The following SH3BP5 variants were observed in gnomAD, a reference collection of about 807,000 sequenced individuals.
The protein encoded by SH3BP5 is SH3 domain-binding protein 5.
SH3BP5 carries 22 observed loss-of-function variants against 43.3 expected under a neutral mutation model. The observed-to-expected ratio is 0.51, with a 90% confidence interval of 0.36 to 0.73. The LOEUF (loss-of-function observed/expected upper bound fraction) is 0.73, where lower values mean the gene tolerates loss of function less well. Among genes scored for constraint, SH3BP5 ranks in the 30% least tolerant of loss-of-function variants. SH3BP5 has a pLI of 0.00. For missense variants in SH3BP5, 529 were observed against 586.9 expected (o/e 0.90, Z 1.02); for synonymous variants, 255 against 225.8 (o/e 1.13, Z -1.16).
At chr3:15,258,574 A>T in intron 7 of SH3BP5, 1 of 520,198 alleles carries the variant, frequency 1.9e-6, no homozygotes, top group Non-Finnish European at 3.4e-6. Context: ...GTTCAAATGT[A>T]TACTTTGACT....
At chr3:15,298,972 A>G (rs1051047782) in intron 3 of SH3BP5, among the ~76,000 whole-genome samples, 4 of 150,758 alleles carry the variant, frequency 2.7e-5, no homozygotes, top group African/African-American at 1.0e-4. Context: ...GAGGCAAAAA[A>G]GAAAAAAAAG....
At position 15,258,985 on chromosome 3, in the gene SH3BP5, C is replaced by T. The variant is rs746598895; in HGVS notation, c.735G>A (p.Met245Ile). The T allele has an allele frequency of 6.2e-7, 1 of 1,614,232 alleles. No individual in the cohort carries two copies. The highest frequency in any genetic ancestry group is 1.1e-5 in the South Asian group (1 of 91,086). ...AGATCATCTCCAGGTTCTTCAGGGCCATCTTGTACTCGCCTTTTGCCAGGG... is the reference window on the plus strand; with the variant it reads ...AGATCATCTCCAGGTTCTTCAGGGCTATCTTGTACTCGCCTTTTGCCAGGG... ...KLTLAKGEYK[M>I]ALKNLEMISD... The change falls in exon 7 of 9, where the codon ATG becomes ATA. Residue 245 changes from methionine (M) to isoleucine (I), a missense_variant. Transcript: ENST00000383791.
At chr3:15,336,665 C>T (rs1055171789), upstream of SH3BP5, among the ~76,000 whole-genome samples, 2 of 152,100 alleles carry the variant, frequency 1.3e-5, no homozygotes, top group Non-Finnish European at 2.9e-5. Flanking sequence ...ATATTATAAT[C>T]GCCAGGTTGC....
At chr3:15,317,866 T>TG (rs1698222654) in intron 2 of SH3BP5, among the ~76,000 whole-genome samples, 1 of 152,230 alleles carries the variant, frequency 6.6e-6, no homozygotes, top group African/African-American at 2.4e-5. Context: ...GAGCTATACC[T>TG]GATTAATATC....
rs753714588 is a variant in SH3BP5 at position 15,256,983 on chromosome 3, C to T, written c.1020G>A (p.Ala340=). 3.5e-5 allele frequency: 56 copies of T among 1,614,074 alleles called. No individual in the cohort carries two copies. Among genetic ancestry groups the T allele is most frequent in the African/African-American group, 5.3e-5 (4 of 74,922 alleles). Residue 340 remains alanine (A), a synonymous_variant, in exon 8 of 9, where the codon GCG becomes GCA. Transcript: ENST00000383791. ...GATCCAGGCTGCCAGGCCTCACAAC[C>T]GCAGGGAACTGGTCAGGCATCTCAG... The part of the protein sequence containing the change: ...SPSEMPDQFP[A]VVRPGSLDLP...
rs1178269780 is a variant in SH3BP5, at chr3:15,332,457, G to T, written c.-49C>A. 1.4e-6 allele frequency: 2 copies of T among 1,465,208 alleles called. No individual in the cohort carries two copies. The highest frequency in any genetic ancestry group is 2.8e-5 in the East Asian group (1 of 36,248). The allele number at this position is 1,465,208 out of a possible 1,614,324, so 90.8% of individuals were successfully genotyped here. ...CGCAGTGGGCTCCGGAGCGCCCCGG[G>T]GGTCGCGGCTGCCACAGGCTGGGCT... On this transcript the variant is annotated 5_prime_UTR_variant, in exon 1 of 9. Transcript: ENST00000383791.
intron 3 of SH3BP5, chr3:15,273,004 G>T: frequency 2.9e-6 from 1 of 341,296 alleles, no homozygotes; most frequent in Non-Finnish European, 4.1e-6. Context: ...TTTCATGTGA[G>T]GACAGCCCTG....
Position 15,255,347 on chromosome 3 carries a change from TA to T in SH3BP5, c.*738del, listed in dbSNP as rs749968736. 1 of 152,662 alleles carries T rather than the reference TA, an allele frequency of 6.6e-6. No individual in the cohort carries two copies. Among genetic ancestry groups the T allele is most frequent in the Non-Finnish European group, 1.5e-5 (1 of 68,044 alleles). 9.5% of individuals were successfully genotyped at this position (152,662 alleles called of 1,614,324 possible). A position where few individuals can be genotyped will look rare whatever the true frequency, so the allele number is the denominator to read the frequency against. On this transcript the variant is annotated 3_prime_UTR_variant, in exon 9 of 9. Transcript: ENST00000383791. The stretch of plus-strand genomic sequence containing the variant: ...GAATAAATCCCCTTGGCTGGCAGGA[TA>T]AGGCTTATGCTGTAGAACCTTCTCC...
intron 3 of SH3BP5, among the ~76,000 whole-genome samples, chr3:15,296,281 C>A (rs1315655473): frequency 6.7e-6 from 1 of 148,204 alleles, no homozygotes; most frequent in Non-Finnish European, 1.5e-5. Flanking sequence ...CTTTGCCAAT[C>A]CCCTGACCTG....
intron 2 of SH3BP5, among the ~76,000 whole-genome samples, chr3:15,325,790 G>A (rs2125140674): frequency 6.6e-6 from 1 of 152,272 alleles, no homozygotes; most frequent in Admixed American, 6.5e-5. Flanking sequence ...GAGGCCAAGG[G>A]AGGCAGATCG....
chr3:15,301,366 G>A (rs113559358), intron 3 of SH3BP5, among the ~76,000 whole-genome samples: 4 of 152,268 alleles, frequency 2.6e-5, no homozygotes, highest in African/African-American at 9.6e-5. Context: ...TCATTCACTA[G>A]TTTGTTCATT....
At position 15,319,506 on chromosome 3, in the gene SH3BP5, T is replaced by C. The variant is rs563298576; in HGVS notation, c.201+10998A>G. On this transcript the variant is annotated intron_variant, in intron 2 of 8. Transcript: ENST00000383791. Reference sequence around the variant, plus strand: ...AATATGGCCTACAATTCTTTGGCACTGCCCCAGGATCAAGAAGAATTAGAA... The same window carrying C: ...AATATGGCCTACAATTCTTTGGCACCGCCCCAGGATCAAGAAGAATTAGAA... Among the ~76,000 whole-genome samples, 7 of 152,308 alleles carry C rather than the reference T, an allele frequency of 4.6e-5. No homozygotes were observed. The South Asian group carries it at 1.5e-3, about 32-fold the overall frequency.
chr3:15,299,483 ATTT>A (rs60281447), intron 3 of SH3BP5, among the ~76,000 whole-genome samples: 3 of 92,276 alleles, frequency 3.3e-5, no homozygotes, highest in African/African-American at 7.4e-5. Context: ...CAACAATTAG[ATTT>A]TTTTTTTTTT....
chr3:15,295,775 G>C (rs528574953), intron 3 of SH3BP5, among the ~76,000 whole-genome samples: 1 of 152,218 alleles, frequency 6.6e-6, no homozygotes, highest in East Asian at 1.9e-4. Context: ...AACATGGCTG[G>C]ATTTGTGGAT....
chr3:15,296,130 G>A (rs1283785160), intron 3 of SH3BP5, among the ~76,000 whole-genome samples: 2 of 152,118 alleles, frequency 1.3e-5, no homozygotes, highest in Non-Finnish European at 2.9e-5. Flanking sequence ...CAACTTTATA[G>A]AATATGACTA....
chr3:15,278,048 C>T (rs932170984), intron 3 of SH3BP5, among the ~76,000 whole-genome samples: 5 of 152,238 alleles, frequency 3.3e-5, no homozygotes, highest in Non-Finnish European at 5.9e-5. Context: ...CGGCCAGCTT[C>T]TACCCCTCGT....
chr3:15,305,671 C>T (rs780573052), intron 2 of SH3BP5, among the ~76,000 whole-genome samples: 1 of 152,042 alleles, frequency 6.6e-6, no homozygotes, highest in Non-Finnish European at 1.5e-5. Flanking sequence ...GGCAGCAGAG[C>T]CTGTGTCCAG....
intron 4 of SH3BP5, among the ~76,000 whole-genome samples, chr3:15,263,543 A>G (rs1696529198): frequency 6.6e-6 from 1 of 152,236 alleles, no homozygotes; most frequent in Non-Finnish European, 1.5e-5. Flanking sequence ...GTACACAAAC[A>G]TTTGTGAGCA....
chr3:15,330,480 G>A (rs1007783011), intron 2 of SH3BP5, 24 bp downstream of exon 2: 1 of 1,600,422 alleles, frequency 6.2e-7, no homozygotes. Context: ...ACTTCACCAA[G>A]AACAGGAACT....
Sources: allele counts gnomAD v4.1 joint callset (sites outside exome capture counted in the v4.1 genomes callset), GRCh38; gene constraint gnomAD v4.1.1; transcripts MANE v1.5; gene names NCBI Gene and HGNC (gene_info 2026-07-23, HGNC 2026-07-21).